Variants in ANKRD30BL observed in about 807,000 individuals in gnomAD.
ANKRD30BL encodes putative ankyrin repeat domain-containing protein 30B-like.
A neutral mutation model predicts 18.4 loss-of-function variants in ANKRD30BL; 20 were observed. The observed-to-expected ratio is 1.09, with a 90% CI of 0.77 to 1.58. The LOEUF (loss-of-function observed/expected upper bound fraction) is 1.58. Among genes scored for constraint, ANKRD30BL ranks in the 40% most tolerant of loss-of-function variants. The probability of loss-of-function intolerance (pLI) is 0.00; values close to 1 mark genes in which losing one functional copy is unlikely to be tolerated. For missense variants in ANKRD30BL, 224 were observed against 268.6 expected, an observed-to-expected ratio of 0.83 and a Z score of 1.16; for synonymous variants, 72 against 100.9, an observed-to-expected ratio of 0.71 and a Z score of 1.72.
chr2:132,185,792 T>C (rs1473172569), intron 1 of ANKRD30BL, among the ~76,000 whole-genome samples: 4 of 152,148 alleles, frequency 2.6e-5, no homozygotes, highest in Admixed American at 6.6e-5. Flanking sequence ...ACACTATAGT[T>C]CATAGAGAAT....
At chr2:132,256,373 C>CT (rs1223627070) in intron 1 of ANKRD30BL, among the ~76,000 whole-genome samples, 1 of 151,938 alleles carries the variant, frequency 6.6e-6, no homozygotes, top group Non-Finnish European at 1.5e-5. Context: ...CAAAACCCCC[C>CT]GACGGGCTCA....
chr2:132,198,076 C>T (rs1679000462), intron 1 of ANKRD30BL, among the ~76,000 whole-genome samples: 2 of 151,950 alleles, frequency 1.3e-5, no homozygotes, highest in African/African-American at 4.8e-5. Context: ...TCTACAATCA[C>T]AGCTCTTTCC....
intron 1 of ANKRD30BL, among the ~76,000 whole-genome samples, chr2:132,178,034 A>G (rs1044057060): frequency 6.6e-6 from 1 of 152,194 alleles, no homozygotes; most frequent in African/African-American, 2.4e-5. Context: ...GAATTTTTTT[A>G]GAACTTAAAA....
chr2:132,226,008 T>C (rs1460149015), intron 1 of ANKRD30BL, among the ~76,000 whole-genome samples: 1 of 151,932 alleles, frequency 6.6e-6, no homozygotes, highest in Non-Finnish European at 1.5e-5. Flanking sequence ...AAAGGAAGTA[T>C]CTTCACATAA....
intron 1 of ANKRD30BL, among the ~76,000 whole-genome samples, chr2:132,187,020 T>C (rs956280403): frequency 6.6e-6 from 1 of 152,096 alleles, no homozygotes; most frequent in African/African-American, 2.4e-5. Context: ...GTTGGGAATA[T>C]CTTGAATTTC....
chr2:132,218,888 A>G (rs1573855734), intron 1 of ANKRD30BL, among the ~76,000 whole-genome samples: 1 of 152,152 alleles, frequency 6.6e-6, no homozygotes, highest in Non-Finnish European at 1.5e-5. Flanking sequence ...TTCTTTTGAT[A>G]GAGCTGATTT....
At chr2:132,203,077 G>A (rs575627262) in intron 1 of ANKRD30BL, among the ~76,000 whole-genome samples, 22 of 152,354 alleles carry the variant, frequency 1.4e-4, no homozygotes, top group African/African-American at 5.3e-4. Flanking sequence ...TTTGTAGCCC[G>A]TTCTATTTTC....
At chr2:132,173,662 AT>A (rs34119441) in intron 1 of ANKRD30BL, among the ~76,000 whole-genome samples, 15 of 148,830 alleles carry the variant, frequency 1.0e-4, no homozygotes, top group Admixed American at 2.0e-4. Flanking sequence ...ATCTGTAATT[AT>A]TTTTTTTTTA....
intron 5 of ANKRD30BL, among the ~76,000 whole-genome samples, 170 bp downstream of exon 5, chr2:132,150,742 A>G (rs1687735096): frequency 1.3e-5 from 2 of 151,970 alleles, no homozygotes; most frequent in Non-Finnish European, 2.9e-5. Context: ...TGAATTCTGA[A>G]TTATAAACTA....
At chr2:132,223,502 G>C (rs1213104356) in intron 1 of ANKRD30BL, among the ~76,000 whole-genome samples, 1 of 151,832 alleles carries the variant, frequency 6.6e-6, no homozygotes, top group Admixed American at 6.6e-5. Flanking sequence ...TGTGATATTT[G>C]TATTCAACTC....
At chr2:132,179,127 T>C (rs1688414353) in intron 1 of ANKRD30BL, among the ~76,000 whole-genome samples, 1 of 152,022 alleles carries the variant, frequency 6.6e-6, no homozygotes, top group South Asian at 2.1e-4. Flanking sequence ...TGTAATATCA[T>C]TGCACAATTC....
intron 1 of ANKRD30BL, among the ~76,000 whole-genome samples, chr2:132,235,260 T>G (rs199723844): frequency 1.3e-5 from 2 of 151,884 alleles, no homozygotes; most frequent in African/African-American, 4.8e-5. Flanking sequence ...TGGAAGCATT[T>G]CCTTTGAAAA....
At chr2:132,162,701 C>G (rs1487776730), upstream of ANKRD30BL, among the ~76,000 whole-genome samples, 10 of 152,244 alleles carry the variant, frequency 6.6e-5, no homozygotes, top group African/African-American at 2.2e-4. Flanking sequence ...GGGCTGGGCC[C>G]GACGGCCTGA....
chr2:132,165,257 T>G (rs1480403723), upstream of ANKRD30BL, among the ~76,000 whole-genome samples: 4 of 32,894 alleles, frequency 1.2e-4, no homozygotes, highest in Non-Finnish European at 2.1e-4. Flanking sequence ...GACGTATCAG[T>G]TTTTTTTTTT....
intron 1 of ANKRD30BL, among the ~76,000 whole-genome samples, chr2:132,239,503 T>C (rs1243875219): frequency 6.6e-6 from 1 of 151,936 alleles, no homozygotes. Flanking sequence ...TCTCAGAAAC[T>C]TCTCTGTGAT....
chr2:132,163,033 G>T (rs1688115372), upstream of ANKRD30BL, among the ~76,000 whole-genome samples: 1 of 152,244 alleles, frequency 6.6e-6, no homozygotes, highest in African/African-American at 2.4e-5. Context: ...CTGGAGTATG[G>T]CAGTGGCGCT....
At chr2:132,177,177 T>C (rs1290010477) in intron 1 of ANKRD30BL, among the ~76,000 whole-genome samples, 2 of 151,966 alleles carry the variant, frequency 1.3e-5, no homozygotes, top group Non-Finnish European at 2.9e-5. Context: ...ATTTTTGAGA[T>C]GGAATTTCCC....
chr2:132,164,115 C>G (rs959495328), upstream of ANKRD30BL, among the ~76,000 whole-genome samples: 1 of 152,084 alleles, frequency 6.6e-6, no homozygotes, highest in African/African-American at 2.4e-5. Context: ...GTTTGCTTAA[C>G]TGTCTAGTTC....
Position 132,180,835 on chromosome 2 carries a change from G to T in ANKRD30BL, n.442-23689C>A, listed in dbSNP as rs537158480. Among the ~76,000 whole-genome samples the T allele has an allele frequency of 5.4e-3, 825 of 152,106 alleles. 6 individuals carry two copies. Among genetic ancestry groups the T allele is most frequent in the African/African-American group, 0.018 (744 of 41,486 alleles). ...AAATCTTTAACATAAAATTATAAAA[G>T]AACTTGATTAACGTTATAAAGTGAG... On this transcript the variant is annotated intron_variant and non_coding_transcript_variant, in intron 1 of 4. Coordinates refer to the ANKRD30BL transcript ENST00000470729.
Sources: allele counts gnomAD v4.1 joint callset (sites outside exome capture counted in the v4.1 genomes callset), GRCh38; gene constraint gnomAD v4.1.1; transcripts MANE v1.5; gene names NCBI Gene and HGNC (gene_info 2026-07-23, HGNC 2026-07-21).